The following HECW1 variants were observed in gnomAD, a reference collection of about 807,000 sequenced individuals.
HECW1 encodes E3 ubiquitin-protein ligase HECW1.
In HECW1, 61 loss-of-function variants were observed where a neutral mutation model predicts 182.3. The ratio of observed to expected loss-of-function variants is 0.33; its 90% CI spans 0.27 to 0.41. HECW1 has a LOEUF of 0.41. HECW1 is among the 10% of genes least tolerant of loss of function. The probability of loss-of-function intolerance (pLI) is 1.00; values close to 1 mark genes in which losing one functional copy is unlikely to be tolerated. For missense variants in HECW1, 1,739 were observed against 2,108.9 expected (o/e 0.82, Z 3.44); for synonymous variants, 859 against 832.6 (o/e 1.03, Z -0.55).
chr7:43,206,160 AC>A (rs1317846398), intron 2 of HECW1, among the ~76,000 whole-genome samples: 3 of 152,152 alleles, frequency 2.0e-5, no homozygotes, highest in Non-Finnish European at 4.4e-5. Flanking sequence ...ATGAACTAAT[AC>A]TTTTAGATGA....
chr7:43,128,603 C>A (rs1254443843), intron 2 of HECW1, among the ~76,000 whole-genome samples: 1 of 152,198 alleles, frequency 6.6e-6, no homozygotes, highest in Non-Finnish European at 1.5e-5. Context: ...CAAGATAACA[C>A]ATTCTGCAGC....
chr7:43,416,312 CT>C (rs1164757117), intron 8 of HECW1, among the ~76,000 whole-genome samples: 2 of 151,226 alleles, frequency 1.3e-5, no homozygotes, highest in Non-Finnish European at 2.9e-5. Context: ...TGTGCCCCTG[CT>C]GGGGGGTGCC....
chr7:43,271,438 T>G (rs1280680275), intron 3 of HECW1, among the ~76,000 whole-genome samples: 1 of 152,176 alleles, frequency 6.6e-6, no homozygotes, highest in Non-Finnish European at 1.5e-5. Context: ...CCGAATTATA[T>G]GATTCTGTAC....
chr7:43,301,730 C>A (rs1806813712), intron 3 of HECW1, among the ~76,000 whole-genome samples: 1 of 152,060 alleles, frequency 6.6e-6, no homozygotes, highest in South Asian at 2.1e-4. Context: ...AAACAATTAG[C>A]CAGGTACGGT....
Position 43,114,274 on chromosome 7 carries a change from C to CT in HECW1, c.-148dup. On this transcript the variant is annotated 5_prime_UTR_variant, in exon 2 of 30. It introduces an in-frame stop codon into an upstream open reading frame of the 5' UTR. Transcript: ENST00000395891. The stretch of plus-strand genomic sequence containing the variant: ...AACGCGATTTAGGAGGGCAGATGCC[C>CT]TACCCGAAAAGGCCAACCGTTAAAG... 1 of 1,364,158 alleles carries CT rather than the reference C, an allele frequency of 7.3e-7. No individual in the cohort carries two copies. Among genetic ancestry groups the CT allele is most frequent in the Non-Finnish European group, 9.7e-7 (1 of 1,034,852 alleles). 84.5% of individuals were successfully genotyped at this position (1,364,158 alleles called of 1,614,324 possible). A position where few individuals can be genotyped will look rare whatever the true frequency, so the allele number is the denominator to read the frequency against.
At chr7:43,290,928 G>A (rs572886000) in intron 3 of HECW1, among the ~76,000 whole-genome samples, 1 of 152,324 alleles carries the variant, frequency 6.6e-6, no homozygotes, top group Admixed American at 6.5e-5. Context: ...CCCCATCCCA[G>A]AGGAGCCAGG....
At chr7:43,325,263 C>T (rs1407927438) in intron 5 of HECW1, among the ~76,000 whole-genome samples, 1 of 152,194 alleles carries the variant, frequency 6.6e-6, no homozygotes, top group Non-Finnish European at 1.5e-5. Flanking sequence ...CTTAAGTTGA[C>T]CCATCCTATA....
At position 43,311,975 on chromosome 7, in the gene HECW1, G is replaced by A. The variant is rs759666398; in HGVS notation, c.240G>A (p.Thr80=). 25 of 1,614,094 alleles carry A rather than the reference G, an allele frequency of 1.5e-5. No homozygotes were observed. Among genetic ancestry groups the A allele is most frequent in the African/African-American group, 2.7e-5 (2 of 74,932 alleles). Residue 80 remains threonine, a synonymous_variant, in exon 4 of 30, where the codon ACG becomes ACA. Coordinates refer to ENST00000395891, the MANE Select transcript of HECW1 (RefSeq NM_015052.5). The part of the protein sequence containing the change: ...TDLVTSDSRS[T]LMVSSSYYSI... ...TGGTCACCTCGGACAGCCGCTCCAC[G>A]CTCATGGTCAGCAGCTCCTACTATT...
chr7:43,542,420 A>G (rs1216302525), intron 26 of HECW1, among the ~76,000 whole-genome samples: 2 of 151,826 alleles, frequency 1.3e-5, no homozygotes, highest in African/African-American at 4.8e-5. Context: ...ATATATATGT[A>G]TATGCACATA....
At chr7:43,319,393 C>CAAAAA (rs529109893) in intron 4 of HECW1, among the ~76,000 whole-genome samples, 9 of 67,714 alleles carry the variant, frequency 1.3e-4, no homozygotes, top group East Asian at 1.0e-3. Flanking sequence ...GACTCCGTCT[C>CAAAAA]AAAAAAAAAA....
chr7:43,197,414 T>C (rs1794563853), intron 2 of HECW1, among the ~76,000 whole-genome samples: 1 of 152,170 alleles, frequency 6.6e-6, no homozygotes, highest in African/African-American at 2.4e-5. Context: ...TCCTGCTGCC[T>C]GTGGAGAGGC....
chr7:43,221,127 T>C (rs1308512853), intron 2 of HECW1, among the ~76,000 whole-genome samples: 1 of 152,192 alleles, frequency 6.6e-6, no homozygotes, highest in East Asian at 1.9e-4. Context: ...ACAGTACATA[T>C]TACTTTTGTT....
Position 43,338,296 on chromosome 7 carries a change from T to G in HECW1, c.460+17554T>G, listed in dbSNP as rs145111652. Among the ~76,000 whole-genome samples, 1,123 of 152,320 alleles carry G rather than the reference T, an allele frequency of 7.4e-3. 16 individuals carry two copies. The highest frequency in any genetic ancestry group is 0.026 in the African/African-American group (1,068 of 41,564). On this transcript the variant is annotated intron_variant, in intron 5 of 29. Coordinates refer to ENST00000395891, the MANE Select transcript of HECW1 (RefSeq NM_015052.5). ...GGATAGGGGACTGCAGCGTCAGTGC[T>G]GTGTGATGCCCTGTTTTCATACTTC... is the stretch of plus-strand genomic sequence containing the variant.
chr7:43,189,917 G>A (rs906512520), intron 2 of HECW1, among the ~76,000 whole-genome samples: 3 of 152,130 alleles, frequency 2.0e-5, no homozygotes, highest in Non-Finnish European at 2.9e-5. Flanking sequence ...GAATCTCGGG[G>A]CTTTTTGTGT....
chr7:43,407,688 C>T lies in HECW1; in HGVS notation c.758C>T (p.Ser253Phe). 1 of 1,613,946 alleles carries T rather than the reference C, an allele frequency of 6.2e-7. No homozygotes were observed. Among genetic ancestry groups the T allele is most frequent in the Non-Finnish European group, 8.5e-7 (1 of 1,179,952 alleles). The stretch of plus-strand genomic sequence containing the variant: ...CCTCACCATGGACAGGAGAGGAGAT[C>T]CAAGATCATAGGCAACACCGTGAAC... ...ALPHHGQERR[S>F]KIIGNTVNPI... is the part of the protein sequence containing the mutation. Residue 253 changes from serine (S) to phenylalanine (F), a missense_variant, in exon 8 of 30, where the codon TCC becomes TTC. Ser to Phe is a radical substitution (Grantham distance 155, BLOSUM62 -2). Transcript: ENST00000395891.
chr7:43,515,564 G>A (rs1193734113), intron 24 of HECW1, among the ~76,000 whole-genome samples: 1 of 152,160 alleles, frequency 6.6e-6, no homozygotes, highest in Non-Finnish European at 1.5e-5. Context: ...GTATATGACA[G>A]GCTAAATAGC....
intron 11 of HECW1, among the ~76,000 whole-genome samples, chr7:43,447,581 A>G (rs77064351): frequency 0.033 from 5,001 of 152,302 alleles, 275 homozygotes; most frequent in African/African-American, 0.11. Context: ...AAGGCCATGC[A>G]CACGCTGGCA....
chr7:43,126,761 T>C (rs1374047673), intron 2 of HECW1, among the ~76,000 whole-genome samples: 1 of 152,362 alleles, frequency 6.6e-6, no homozygotes, highest in African/African-American at 2.4e-5. Flanking sequence ...ATTCTTATAA[T>C]ATTTTAAGCT....
intron 6 of HECW1, among the ~76,000 whole-genome samples, chr7:43,388,448 G>A (rs1217371612): frequency 6.6e-6 from 1 of 152,146 alleles, no homozygotes; most frequent in Non-Finnish European, 1.5e-5. Context: ...ATATTGCCAA[G>A]CTAGAAAAAC....
Sources: gnomAD v4.1 joint callset for allele counts (sites outside exome capture counted in the v4.1 genomes callset) on GRCh38, gnomAD v4.1.1 for gene constraint, MANE v1.5 for transcripts, NCBI Gene and HGNC (gene_info 2026-07-23, HGNC 2026-07-21) for gene names.